The following FRMPD4 variants were observed in gnomAD, a reference collection of about 807,000 sequenced individuals.
FRMPD4 encodes the protein FERM and PDZ domain containing 4.
Under a neutral mutation model 94.1 loss-of-function variants are expected in FRMPD4, and 22 were observed. The observed-to-expected ratio is 0.23, with a 90% confidence interval of 0.17 to 0.33. The LOEUF is 0.33. Among genes scored for constraint, FRMPD4 ranks in the 10% least tolerant of loss-of-function variants. The pLI, the probability that FRMPD4 is intolerant of heterozygous loss-of-function variation, is 1.00. For synonymous variants in FRMPD4, 631 were observed against 548.6 expected (o/e 1.15, Z -2.10); for missense variants, 1,111 against 1,339.9 (o/e 0.83, Z 2.67).
Position 12,633,896 on chromosome X carries a change from A to C in FRMPD4, c.422+19015A>C, listed in dbSNP as rs186085244. ...CACCGTGTAGTAGACAATAAAAAGC[A>C]GTTTAAAAACCACTTGATAACAACT... On this transcript the variant is annotated intron_variant, in intron 4 of 16. Transcript: ENST00000675598. Among the ~76,000 whole-genome samples the C allele has an allele frequency of 1.6e-3, 182 of 112,804 alleles. 1 individual carries two copies. The highest frequency in any genetic ancestry group is 5.4e-3 in the African/African-American group (169 of 31,090).
chrX:12,324,932 G>A lies in FRMPD4; in HGVS notation c.42-173748G>A, dbSNP rs2055263341. On this transcript the variant is annotated intron_variant, in intron 1 of 16. Transcript: ENST00000675598. ...AGTTCTACCAATTCAATAAAATTCT[G>A]TGAAGACAAAAAACAATTTTGTTTG... Among the ~76,000 whole-genome samples, 8 of 111,877 alleles carry A rather than the reference G, an allele frequency of 7.2e-5. No individual in the cohort carries two copies. The Admixed American group carries it at 7.6e-4, about 11-fold the overall frequency.
chrX:12,577,044 A>G (rs777670873), intron 2 of FRMPD4, among the ~76,000 whole-genome samples: 1 of 111,916 alleles, frequency 8.9e-6, no homozygotes, highest in South Asian at 3.7e-4. Flanking sequence ...TGAGAAAAAG[A>G]ATTATGTGTT....
At chrX:12,167,791 A>G (rs189349135) in intron 1 of FRMPD4, among the ~76,000 whole-genome samples, 14 of 112,423 alleles carry the variant, frequency 1.2e-4, no homozygotes, top group Non-Finnish European at 2.1e-4. Flanking sequence ...GACATAAACA[A>G]TGATAACTTG....
chrX:12,210,890 T>G (rs1012459809), intron 1 of FRMPD4, among the ~76,000 whole-genome samples: 8 of 112,307 alleles, frequency 7.1e-5, no homozygotes, highest in African/African-American at 2.6e-4. Context: ...ATGTTAAACT[T>G]TCAGAAATAT....
chrX:11,840,843 A>G (rs1019274434), intron 1 of FRMPD4, among the ~76,000 whole-genome samples: 2 of 106,718 alleles, frequency 1.9e-5, no homozygotes, highest in Admixed American at 2.0e-4. Flanking sequence ...TGCTGCACCC[A>G]TTAACTCGTC....
At chrX:12,665,159 C>T (rs750582109) in intron 4 of FRMPD4, among the ~76,000 whole-genome samples, 3 of 110,638 alleles carry the variant, frequency 2.7e-5, no homozygotes, top group East Asian at 2.8e-4. Flanking sequence ...GAAAAAAAAA[C>T]GTGCTGGGTG....
intron 3 of FRMPD4, among the ~76,000 whole-genome samples, chrX:12,033,692 C>T (rs917323760): frequency 6.3e-5 from 7 of 111,051 alleles, no homozygotes; most frequent in African/African-American, 9.8e-5. Context: ...TTTGTTTTAT[C>T]TTATTTTATT....
At chrX:12,329,160 G>A (rs1246206855) in intron 1 of FRMPD4, among the ~76,000 whole-genome samples, 1 of 111,509 alleles carries the variant, frequency 9.0e-6, no homozygotes, top group African/African-American at 3.3e-5. Flanking sequence ...ATCCAGGAAG[G>A]CCTTTCTGTC....
At chrX:12,243,563 C>T (rs747518906) in intron 1 of FRMPD4, among the ~76,000 whole-genome samples, 1 of 110,639 alleles carries the variant, frequency 9.0e-6, no homozygotes, top group Non-Finnish European at 1.9e-5. Flanking sequence ...TTCGGGGCAT[C>T]TCTATAAGAT....
chrX:12,624,073 T>G (rs2059324376), intron 4 of FRMPD4, among the ~76,000 whole-genome samples: 2 of 112,308 alleles, frequency 1.8e-5, no homozygotes, highest in African/African-American at 6.5e-5. Flanking sequence ...CGGAAAGATA[T>G]TCCTAGACAA....
intron 2 of FRMPD4, among the ~76,000 whole-genome samples, chrX:12,547,043 T>G (rs1220504301): frequency 2.0e-5 from 2 of 98,356 alleles, no homozygotes; most frequent in Non-Finnish European, 4.0e-5. Flanking sequence ...AAAAAAAAGC[T>G]TATTAAAACA....
In FRMPD4 at chrX:12,062,050, G is replaced by C. The variant is rs979472367; in HGVS notation, c.95+184032G>C. On this transcript the variant is annotated intron_variant, in intron 3 of 18. Transcript: ENST00000640291. Reference sequence around the variant, plus strand: ...ATTTTTAATTAATAAACTAAAACTTGATGTAAAATACCAGAGTACAGTCAT... The same window carrying C: ...ATTTTTAATTAATAAACTAAAACTTCATGTAAAATACCAGAGTACAGTCAT... Among the ~76,000 whole-genome samples, 3 of 111,694 alleles carry C rather than the reference G, an allele frequency of 2.7e-5. No individual in the cohort carries two copies. The East Asian group carries it at 8.4e-4, about 31-fold the overall frequency.
chrX:11,869,488 GTGA>G (rs1248657758), intron 2 of FRMPD4, among the ~76,000 whole-genome samples: 1 of 111,968 alleles, frequency 8.9e-6, no homozygotes, highest in African/African-American at 3.2e-5. Context: ...GATAAGTGAT[GTGA>G]TGAATATGTT....
At chrX:12,608,719 T>C (rs927080346) in intron 2 of FRMPD4, among the ~76,000 whole-genome samples, 5 of 112,764 alleles carry the variant, frequency 4.4e-5, no homozygotes, top group South Asian at 3.7e-4. Flanking sequence ...TCTCTACTTA[T>C]TAATTCAAGT....
rs760032247 is a variant in FRMPD4, at chrX:12,126,537, ACAGG to A, written c.95+248523_95+248526del. On this transcript the variant is annotated intron_variant, in intron 3 of 18. Transcript: ENST00000640291. ...AAGGGTGAGAGAGAGGTCCCACATC[ACAGG>A]CAGACTGGACTGATGCCTCATAAAA... Among the ~76,000 whole-genome samples, 4 of 111,417 alleles carry A rather than the reference ACAGG, an allele frequency of 3.6e-5. No homozygotes were observed. The Admixed American group carries it at 3.8e-4, about 11-fold the overall frequency.
chrX:12,452,125 C>T (rs768579444), intron 1 of FRMPD4, among the ~76,000 whole-genome samples: 3 of 110,862 alleles, frequency 2.7e-5, no homozygotes, highest in Non-Finnish European at 5.7e-5. Flanking sequence ...CCGAGACCAA[C>T]AAGGGCTGCT....
At chrX:12,312,782 C>A (rs1339729544) in intron 1 of FRMPD4, among the ~76,000 whole-genome samples, 1 of 111,423 alleles carries the variant, frequency 9.0e-6, no homozygotes, top group Non-Finnish European at 1.9e-5. Flanking sequence ...TAAATGACTT[C>A]TTTTAAGAGA....
intron 3 of FRMPD4, among the ~76,000 whole-genome samples, chrX:12,123,855 A>G (rs757847001): frequency 2.7e-5 from 3 of 111,433 alleles, no homozygotes; most frequent in Non-Finnish European, 5.7e-5. Flanking sequence ...CTGTGCTCCC[A>G]CCTTGGTCTC....
intron 1 of FRMPD4, among the ~76,000 whole-genome samples, chrX:12,139,432 T>C (rs2055656202): frequency 9.1e-6 from 1 of 109,643 alleles, no homozygotes; most frequent in African/African-American, 3.3e-5. Flanking sequence ...CCCCAACTCC[T>C]AAATTACACC....
Sources: gnomAD v4.1 joint callset for allele counts (sites outside exome capture counted in the v4.1 genomes callset) on GRCh38, gnomAD v4.1.1 for gene constraint, MANE v1.5 for transcripts, NCBI Gene and HGNC (gene_info 2026-07-23, HGNC 2026-07-21) for gene names.